GLT6D1: variants seen among roughly 807,000 people sequenced by gnomAD.
GLT6D1 encodes putative glycosyltransferase 6 domain-containing protein 1.
GLT6D1 carries 9 observed loss-of-function variants against 12.3 expected under a neutral mutation model. That is an observed-to-expected ratio of 0.73 (90% confidence interval 0.44 to 1.27). GLT6D1 has a LOEUF of 1.27. Ranked by LOEUF, GLT6D1 falls within the 50% of genes most tolerant of loss-of-function variation. GLT6D1 has a pLI of 0.00. For missense variants in GLT6D1, 335 were observed against 346.2 expected, an observed-to-expected ratio of 0.97 and a Z score of 0.26; for synonymous variants, 128 against 132.3, an observed-to-expected ratio of 0.97 and a Z score of 0.23.
Position 135,624,131 on chromosome 9 carries a change from A to G in GLT6D1, c.797T>C (p.Leu266Pro). ...NGLNSTYEKHLNKYFYLNKPT is the reference protein window; with the variant it reads ...NGLNSTYEKHPNKYFYLNKPT ...TTTATTGAGGTAAAAATATTTGTTA[A>G]GGTGCTTTTCATAAGTGCTATTGAG... The change falls in exon 5 of 5, where the codon CTT (leucine) becomes CCT (proline). Residue 266 changes from leucine (L) to proline (P), a missense_variant. Leu to Pro is a moderately conservative substitution (Grantham distance 98). Transcript: ENST00000371763. The G allele has an allele frequency of 3.1e-6, 5 of 1,613,230 alleles. No homozygotes were observed. In the South Asian group the frequency reaches 3.3e-5, roughly 11 times the overall value.
chr9:135,628,747 A>G (rs73667669), intron 3 of GLT6D1, among the ~76,000 whole-genome samples: 1,711 of 152,162 alleles, frequency 0.011, 32 homozygotes, highest in African/African-American at 0.039. Flanking sequence ...TACTAATTCA[A>G]TGTATTTACT....
At chr9:135,626,940 A>G (rs901017184) in intron 3 of GLT6D1, among the ~76,000 whole-genome samples, 1 of 152,190 alleles carries the variant, frequency 6.6e-6, no homozygotes, top group African/African-American at 2.4e-5. Context: ...AGCACCCTAC[A>G]AAGTTCAATG....
Position 135,623,933 on chromosome 9 carries a change from TTAAGACTTCCCTCATTTA to T in GLT6D1, c.*146_*163del, listed in dbSNP as rs1486706414. On this transcript the variant is annotated 3_prime_UTR_variant, in exon 5 of 5. Coordinates refer to ENST00000371763, the MANE Select transcript of GLT6D1 (RefSeq NM_182974.3). ...GTATGTCTCTAAAAAATGGAAGGTC[TTAAGACTTCCCTCATTTA>T]TAAGAAATTGCCGTGATTCATTTAT... The T allele has an allele frequency of 1.7e-6, 1 of 575,314 alleles. No individual in the cohort carries two copies. The highest frequency in any genetic ancestry group is 3.0e-5 in the East Asian group (1 of 32,972). 35.6% of individuals were successfully genotyped at this position (575,314 alleles called of 1,614,324 possible).
chr9:135,631,348 G>A, intron 3 of GLT6D1, 83 bp downstream of exon 3: 3 of 1,080,312 alleles, frequency 2.8e-6, no homozygotes, highest in Non-Finnish European at 4.3e-6. Flanking sequence ...AGCTGAATTT[G>A]GTGACTGGGG....
At position 135,631,393 on chromosome 9, in the gene GLT6D1, GT is replaced by G. The variant is rs544372117; in HGVS notation, c.119+37del. ...CTGTTACTTCCAATTGAAGTATATT[GT>G]TTGTGTGTGCATGTAAACAGGCATT... On this transcript the variant is annotated intron_variant, in intron 3 of 4. Transcript: ENST00000371763. The G allele has an allele frequency of 4.5e-5, 67 of 1,502,818 alleles. No homozygotes were observed. The East Asian group carries it at 1.4e-3, about 32-fold the overall frequency. The allele number at this position is 1,502,818 out of a possible 1,614,324, so 93.1% of individuals were successfully genotyped here. A position where few individuals can be genotyped will look rare whatever the true frequency, so the allele number is the denominator to read the frequency against.
intron 3 of GLT6D1, 130 bp from the exon 4 acceptor site, chr9:135,626,336 C>T: frequency 1.1e-6 from 1 of 881,628 alleles, no homozygotes; most frequent in Non-Finnish European, 1.8e-6. Context: ...TGCATCATCC[C>T]ACTGGATTCA....
chr9:135,631,367 C>T, intron 3 of GLT6D1, 64 bp downstream of exon 3: 1 of 1,278,950 alleles, frequency 7.8e-7, no homozygotes, highest in Non-Finnish European at 1.1e-6. Flanking sequence ...GGAAGAAAAA[C>T]CTGTTACTTC....
intron 3 of GLT6D1, among the ~76,000 whole-genome samples, chr9:135,626,685 C>T (rs1373192917): frequency 1.3e-5 from 2 of 152,128 alleles, no homozygotes; most frequent in Non-Finnish European, 2.9e-5. Context: ...TTTCTCTCTC[C>T]CCTTTTCCTA....
In GLT6D1 at chr9:135,639,290, A is replaced by G; in HGVS notation, c.-7+3T>C. On this transcript the variant is annotated splice_donor_region_variant and intron_variant, in intron 1 of 4. Transcript: ENST00000371763. ...GGTTAATGTATGGGCATTGGACACCAACCTTAGAGGTTGCTTCTAGAATGT... is the reference window on the plus strand; with the variant it reads ...GGTTAATGTATGGGCATTGGACACCGACCTTAGAGGTTGCTTCTAGAATGT... The G allele has an allele frequency of 1.6e-6, 1 of 644,126 alleles. No individual in the cohort carries two copies. Among genetic ancestry groups the G allele is most frequent in the East Asian group, 3.0e-5 (1 of 33,840 alleles). 39.9% of individuals were successfully genotyped at this position (644,126 alleles called of 1,614,324 possible).
chr9:135,637,999 G>A (rs1289673516), intron 2 of GLT6D1, among the ~76,000 whole-genome samples: 1 of 152,200 alleles, frequency 6.6e-6, no homozygotes, highest in South Asian at 2.1e-4. Flanking sequence ...ATATTAGCAG[G>A]TGTATTAGTC....
At position 135,623,869 on chromosome 9, in the gene GLT6D1, T is replaced by C. The variant is rs998568328; in HGVS notation, c.*228A>G. On this transcript the variant is annotated 3_prime_UTR_variant, in exon 5 of 5. Transcript: ENST00000371763. ...ATTAGCCAAATAAGATGGCTCAAAA[T>C]GGCAAGAAGAAACATTTATTTGGGA... 12 of 470,542 alleles carry C rather than the reference T, an allele frequency of 2.6e-5. No homozygotes were observed. Among genetic ancestry groups the C allele is most frequent in the Non-Finnish European group, 4.5e-5 (12 of 267,446 alleles). The allele number at this position is 470,542 out of a possible 1,614,324, so 29.1% of individuals were successfully genotyped here. A position where few individuals can be genotyped will look rare whatever the true frequency, so the allele number is the denominator to read the frequency against.
At chr9:135,637,411 G>C (rs555903966) in intron 2 of GLT6D1, among the ~76,000 whole-genome samples, 1 of 151,674 alleles carries the variant, frequency 6.6e-6, no homozygotes, top group East Asian at 1.9e-4. Flanking sequence ...ATGCCTAGGA[G>C]CACAGTTGCT....
intron 2 of GLT6D1, among the ~76,000 whole-genome samples, chr9:135,633,182 T>G (rs1030644710): frequency 6.6e-6 from 1 of 152,252 alleles, no homozygotes; most frequent in Non-Finnish European, 1.5e-5. Flanking sequence ...AGCCTTGCTT[T>G]GCAGTTTGTG....
chr9:135,631,783 CA>C (rs1282713227), intron 2 of GLT6D1, among the ~76,000 whole-genome samples: 6 of 152,078 alleles, frequency 3.9e-5, no homozygotes, highest in Non-Finnish European at 5.9e-5. Context: ...TATATTCAGA[CA>C]AAAACATAGA....
chr9:135,634,050 T>C (rs1022916683), intron 2 of GLT6D1, among the ~76,000 whole-genome samples: 9 of 152,032 alleles, frequency 5.9e-5, no homozygotes, highest in African/African-American at 1.9e-4. Flanking sequence ...TAACTGGCCA[T>C]GCATCCTTTT....
At chr9:135,640,548 C>T (rs12001673), upstream of GLT6D1, among the ~76,000 whole-genome samples, 13,135 of 151,810 alleles carry the variant, frequency 0.087, 636 homozygotes, top group Non-Finnish European at 0.098. Flanking sequence ...GTGAGACCCC[C>T]GTCTCTACTA....
At chr9:135,634,847 C>T (rs1833735741) in intron 2 of GLT6D1, among the ~76,000 whole-genome samples, 4 of 152,124 alleles carry the variant, frequency 2.6e-5, no homozygotes, top group Admixed American at 2.6e-4. Context: ...TCTCAGACCC[C>T]ATCATGACTT....
intron 2 of GLT6D1, 132 bp downstream of exon 2, chr9:135,638,985 T>C: frequency 3.7e-6 from 2 of 534,164 alleles, no homozygotes; most frequent in South Asian, 5.5e-5. Context: ...TGAGCTAATA[T>C]GGCACCACTG....
At chr9:135,627,247 A>T (rs1031197428) in intron 3 of GLT6D1, among the ~76,000 whole-genome samples, 2 of 152,268 alleles carry the variant, frequency 1.3e-5, no homozygotes, top group African/African-American at 2.4e-5. Context: ...TTAAAAAAAA[A>T]CCAATATCTC....
Sources: gnomAD v4.1 joint callset for allele counts (sites outside exome capture counted in the v4.1 genomes callset) on GRCh38, gnomAD v4.1.1 for gene constraint, MANE v1.5 for transcripts, NCBI Gene and HGNC (gene_info 2026-07-23, HGNC 2026-07-21) for gene names.